Variants in VEZT observed in about 807,000 individuals in gnomAD.
The protein encoded by VEZT is vezatin.
Under a neutral mutation model 79.9 loss-of-function variants are expected in VEZT, and 39 were observed. That is an observed-to-expected ratio of 0.49 (90% CI 0.38 to 0.64). The LOEUF (loss-of-function observed/expected upper bound fraction) is 0.64. Ranked by LOEUF, VEZT falls within the 30% of genes least tolerant of loss-of-function variation. The pLI is 0.00. For missense variants in VEZT, 837 were observed against 893.1 expected, an observed-to-expected ratio of 0.94 and a Z score of 0.80; for synonymous variants, 325 against 327.6, an observed-to-expected ratio of 0.99 and a Z score of 0.09.
At chr12:95,257,670 AG>A (rs1349265653) in intron 3 of VEZT, among the ~76,000 whole-genome samples, 2 of 152,092 alleles carry the variant, frequency 1.3e-5, no homozygotes, top group Non-Finnish European at 2.9e-5. Context: ...ACAGAACTCC[AG>A]GGGGGAAATA....
chr12:95,269,857 T>C (rs2066254584), intron 5 of VEZT, 194 bp from the exon 6 acceptor site: 1 of 373,466 alleles, frequency 2.7e-6, no homozygotes, highest in Non-Finnish European at 4.7e-6. Flanking sequence ...TATATATACA[T>C]ATATATATAT....
At chr12:95,284,005 C>T (rs927664040) in intron 8 of VEZT, among the ~76,000 whole-genome samples, 6 of 152,142 alleles carry the variant, frequency 3.9e-5, no homozygotes, top group East Asian at 1.9e-4. Flanking sequence ...CAGAAATATA[C>T]GGCGCATATT....
Position 95,266,573 on chromosome 12 carries a change from C to T in VEZT, c.651C>T (p.Leu217=), listed in dbSNP as rs770423640. 4.5e-5 allele frequency: 73 copies of T among 1,613,732 alleles called. No individual in the cohort carries two copies. The highest frequency in any genetic ancestry group is 5.5e-5 in the South Asian group (5 of 91,080). Residue 217 remains leucine (L), a synonymous_variant, in exon 5 of 12, where the codon CTC becomes CTT. Transcript: ENST00000436874. ...CAAACAGCCGAGCTTTTACTAACCT[C>T]GTGAGAAAAGCTTTACGTCTCATTC... The part of the protein sequence containing the change: ...MATNSRAFTN[L]VRKALRLIQE...
At chr12:95,274,961 T>C (rs911248977) in intron 7 of VEZT, 72 bp downstream of exon 7, 84 of 1,525,706 alleles carry the variant, frequency 5.5e-5, no homozygotes, top group Non-Finnish European at 7.1e-5. Flanking sequence ...GCTTTCTGAA[T>C]GTAAATAGTG....
intron 1 of VEZT, among the ~76,000 whole-genome samples, chr12:95,240,058 AAGGAAGG>A (rs1566040749): frequency 2.9e-5 from 4 of 139,740 alleles, no homozygotes; most frequent in African/African-American, 1.1e-4. Flanking sequence ...GGAAGGAAGG[AAGGAAGG>A]AAGGAAGGAA....
chr12:95,252,167 C>A, intron 2 of VEZT, 96 bp downstream of exon 2: 1 of 1,322,050 alleles, frequency 7.6e-7, no homozygotes, highest in Non-Finnish European at 1.0e-6. Flanking sequence ...TCCTCCCTCA[C>A]ACTGGTAAGA....
chr12:95,232,770 G>A (rs1350170899), intron 1 of VEZT, among the ~76,000 whole-genome samples: 1 of 152,014 alleles, frequency 6.6e-6, no homozygotes, highest in African/African-American at 2.4e-5. Flanking sequence ...ATTAGTTTTT[G>A]GGTTGGTTTG....
chr12:95,265,023 G>C (rs922228581), intron 4 of VEZT, among the ~76,000 whole-genome samples: 1 of 151,736 alleles, frequency 6.6e-6, no homozygotes, highest in Non-Finnish European at 1.5e-5. Flanking sequence ...ACCACACCCA[G>C]CTAATTTTTA....
intron 11 of VEZT, chr12:95,296,484 T>G (rs1367922246): frequency 1.8e-5 from 6 of 332,664 alleles, no homozygotes; most frequent in Non-Finnish European, 3.2e-5. Flanking sequence ...TATTTAATTT[T>G]TTAGTAAATT....
chr12:95,257,014 A>G, intron 2 of VEZT, 136 bp from the exon 3 acceptor site: 1 of 634,584 alleles, frequency 1.6e-6, no homozygotes, highest in Non-Finnish European at 2.6e-6. Flanking sequence ...TGTACTGACA[A>G]GGTATATAAC....
Position 95,264,874 on chromosome 12 carries a change from T to C in VEZT, c.435-1483T>C, listed in dbSNP as rs776952082. ...TCCCCTCTTTCTTTTCTTTTCTTTT[T>C]TTTTTTTTTTTTTTTTGAGACAAGG... On this transcript the variant is annotated intron_variant, in intron 4 of 11. Coordinates refer to ENST00000436874, the MANE Select transcript of VEZT (RefSeq NM_017599.4). Among the ~76,000 whole-genome samples the C allele has an allele frequency of 3.4e-3, 388 of 114,788 alleles. 2 individuals carry two copies. Among genetic ancestry groups the C allele is most frequent in the Admixed American group, 8.9e-3 (95 of 10,616 alleles). The allele number at this position is 114,788 out of a possible 152,430, so 75.3% of individuals were successfully genotyped here.
intron 1 of VEZT, among the ~76,000 whole-genome samples, chr12:95,223,156 CAT>C (rs1428998796): frequency 6.6e-6 from 1 of 151,924 alleles, no homozygotes; most frequent in Non-Finnish European, 1.5e-5. Flanking sequence ...CAGTTTTCTC[CAT>C]ATTAAATAAA....
intron 1 of VEZT, among the ~76,000 whole-genome samples, chr12:95,234,449 C>T (rs2059720787): frequency 6.6e-6 from 1 of 151,936 alleles, no homozygotes; most frequent in South Asian, 2.1e-4. Context: ...GCCACCACCC[C>T]CGGCTAATTT....
intron 4 of VEZT, among the ~76,000 whole-genome samples, chr12:95,264,027 G>T (rs557711948): frequency 2.0e-5 from 3 of 152,250 alleles, no homozygotes; most frequent in African/African-American, 7.2e-5. Context: ...TATTAAATTT[G>T]ACATAGAAGG....
In VEZT at chr12:95,300,351, A is replaced by G. The variant is rs376839177; in HGVS notation, c.2018A>G (p.Asn673Ser). ...YLCENSLEGK[N>S]KDNSSNEVFP... Reference sequence around the variant, plus strand: ...TGTGAAAACTCTCTAGAAGGTAAAAATAAAGATAATTCTTCAAATGAAGTC... The same window carrying G: ...TGTGAAAACTCTCTAGAAGGTAAAAGTAAAGATAATTCTTCAAATGAAGTC... Residue 673 changes from asparagine to serine, a missense_variant, in exon 12 of 12, where the codon AAT becomes AGT. Coordinates refer to ENST00000436874, the MANE Select transcript of VEZT (RefSeq NM_017599.4). 3.1e-6 allele frequency: 5 copies of G among 1,612,952 alleles called. No individual in the cohort carries two copies. The highest frequency in any genetic ancestry group is 1.3e-5 in the African/African-American group (1 of 75,054).
chr12:95,219,096 G>GT (rs1246950263), intron 1 of VEZT, among the ~76,000 whole-genome samples: 1 of 152,092 alleles, frequency 6.6e-6, no homozygotes, highest in Non-Finnish European at 1.5e-5. Context: ...AATGAGAGAC[G>GT]TAATGGAATA....
At chr12:95,242,208 AG>A (rs2061117747) in intron 1 of VEZT, 1 of 152,168 alleles carries the variant, frequency 6.6e-6, no homozygotes, top group African/African-American at 2.4e-5. Context: ...ACTAGATGGA[AG>A]TTTGACCTGG....
At chr12:95,224,024 C>T (rs935928640) in intron 1 of VEZT, among the ~76,000 whole-genome samples, 1 of 152,078 alleles carries the variant, frequency 6.6e-6, no homozygotes, top group African/African-American at 2.4e-5. Flanking sequence ...GTATAAGTTC[C>T]ATTTTTATTT....
intron 3 of VEZT, among the ~76,000 whole-genome samples, chr12:95,260,756 A>G (rs1477725012): frequency 1.3e-5 from 2 of 152,194 alleles, no homozygotes; most frequent in Non-Finnish European, 2.9e-5. Flanking sequence ...TAATTGGGGA[A>G]CCAAATAGTA....
Sources: allele counts gnomAD v4.1 joint callset (sites outside exome capture counted in the v4.1 genomes callset), GRCh38; gene constraint gnomAD v4.1.1; transcripts MANE v1.5; gene names NCBI Gene and HGNC (gene_info 2026-07-23, HGNC 2026-07-21).